SHFL: variants seen among roughly 807,000 people sequenced by gnomAD.
SHFL encodes shiftless antiviral inhibitor of ribosomal frameshifting protein.
Under a neutral mutation model 34.7 loss-of-function variants are expected in SHFL, and 12 were observed. The ratio of observed to expected loss-of-function variants is 0.35; its 90% CI spans 0.22 to 0.56. The LOEUF (loss-of-function observed/expected upper bound fraction) is 0.56. SHFL is among the 20% of genes least tolerant of loss of function. The pLI is 0.88. For synonymous variants in SHFL, 148 were observed against 156.0 expected (o/e 0.95, Z 0.38); for missense variants, 278 against 411.1 (o/e 0.68, Z 2.80).
In SHFL at chr19:10,086,586, C is replaced by A; in HGVS notation, c.21+138C>A. The stretch of plus-strand genomic sequence containing the variant: ...ATCCTTACCCCTGCCTGGCGCTCGC[C>A]CCCCTTGAAAAGGAAAGTGACTCCC... On this transcript the variant is annotated intron_variant, in intron 1 of 7. Transcript: ENST00000253110. The surrounding 1 kb of genome is among the most constrained non-coding windows in gnomAD (Gnocchi z 5.2). 1.1e-6 allele frequency: 1 copy of A among 883,480 alleles called. No homozygotes were observed. Among genetic ancestry groups the A allele is most frequent in the Non-Finnish European group, 1.6e-6 (1 of 637,062 alleles). The allele number at this position is 883,480 out of a possible 1,614,324, so 54.7% of individuals were successfully genotyped here.
At chr19:10,087,089 C>A in intron 2 of SHFL, 37 bp downstream of exon 2, 9 of 1,599,856 alleles carry the variant, frequency 5.6e-6, no homozygotes, top group South Asian at 1.1e-5. Context: ...GTGCGGGGAC[C>A]GCGCGTGGGA....
rs902563213 is a variant in SHFL at position 10,092,440 on chromosome 19, T to C, written c.*138T>C. On this transcript the variant is annotated 3_prime_UTR_variant, in exon 8 of 8. Coordinates refer to ENST00000253110, the MANE Select transcript of SHFL (RefSeq NM_018381.4). ...GATATTGACGGGGGGGATTCCTGGGTCCCATTTTCAGCGCCCAGGGTCACA... is the reference window on the plus strand; with the variant it reads ...GATATTGACGGGGGGGATTCCTGGGCCCCATTTTCAGCGCCCAGGGTCACA... The C allele has an allele frequency of 2.0e-6, 3 of 1,519,806 alleles. No individual in the cohort carries two copies. In the African/African-American group the frequency reaches 4.2e-5, roughly 21 times the overall value. The allele number at this position is 1,519,806 out of a possible 1,614,324, so 94.1% of individuals were successfully genotyped here. A position where few individuals can be genotyped will look rare whatever the true frequency, so the allele number is the denominator to read the frequency against.
chr19:10,091,327 C>G lies in SHFL; in HGVS notation c.462C>G (p.His154Gln). 2 of 1,613,846 alleles carry G rather than the reference C, an allele frequency of 1.2e-6. No individual in the cohort carries two copies. Among genetic ancestry groups the G allele is most frequent in the Non-Finnish European group, 1.7e-6 (2 of 1,179,812 alleles). ...ADKMWGLAEF[H>Q]CPKCRHNFRG... ...AGATGTGGGGCCTGGCTGAGTTCCA[C>G]TGCCCGAAGTGTCGGCACAACTTCC... is the stretch of plus-strand genomic sequence containing the variant. The change falls in exon 6 of 8, where the codon CAC (histidine) becomes CAG (glutamine). Residue 154 changes from histidine (H) to glutamine (Q), a missense_variant. Physicochemically the swap from His to Gln is conservative, Grantham distance 24. This residue lies in a region of SHFL where 243 missense variants were observed against 386.2 expected (regional missense o/e 0.63). Coordinates refer to ENST00000253110, the MANE Select transcript of SHFL (RefSeq NM_018381.4). This position sits in a 1 kb window ranked among gnomAD's most constrained non-coding sequence, Gnocchi z 8.2.
At chr19:10,090,423 C>A (rs80066973) in intron 5 of SHFL, 1,781 of 167,942 alleles carry the variant, frequency 0.011, 37 homozygotes, top group African/African-American at 0.041. Context: ...CAGGGTGAGA[C>A]CCTGTCTCCA....
chr19:10,091,038 AG>A lies in SHFL; in HGVS notation c.385-210del, dbSNP rs1429471811. 6.6e-6 allele frequency among the ~76,000 whole-genome samples: 1 copy of A among 152,228 alleles called. No individual in the cohort carries two copies. Among genetic ancestry groups the A allele is most frequent in the Admixed American group, 6.5e-5 (1 of 15,270 alleles). ...CTTAACTAGTTCTTGCAAAAGAGGC[AG>A]GAAGCCAAGATGTGTAGTGTTTGCC... On this transcript the variant is annotated intron_variant, in intron 5 of 7. Transcript: ENST00000253110. The surrounding 1 kb of genome is among the most constrained non-coding windows in gnomAD (Gnocchi z 8.2).
Position 10,087,080 on chromosome 19 carries a change from T to C in SHFL, c.145+28T>C, listed in dbSNP as rs562830935. 6.9e-5 allele frequency: 110 copies of C among 1,603,332 alleles called. 1 individual carries two copies. The South Asian group carries it at 1.2e-3, about 17-fold the overall frequency. ...GAGGCTGCAGGGGTCCCGGGCCTGG[T>C]GCGGGGACCGCGCGTGGGAGCGCCG... On this transcript the variant is annotated intron_variant, in intron 2 of 7. Coordinates refer to ENST00000253110, the MANE Select transcript of SHFL (RefSeq NM_018381.4).
chr19:10,092,759 G>T lies in SHFL; in HGVS notation c.*457G>T, dbSNP rs377498859. 21 of 1,607,350 alleles carry T rather than the reference G, an allele frequency of 1.3e-5. No individual in the cohort carries two copies. Among genetic ancestry groups the T allele is most frequent in the Non-Finnish European group, 1.8e-5 (21 of 1,174,816 alleles). On this transcript the variant is annotated 3_prime_UTR_variant, in exon 8 of 8. Coordinates refer to ENST00000253110, the MANE Select transcript of SHFL (RefSeq NM_018381.4). ...CAGGCATGGTACCACCAGCCTCCCC[G>T]CTGGTACAGGGCACAGTTACCTGAG...
chr19:10,088,783 T>C (rs1435027749), intron 3 of SHFL, among the ~76,000 whole-genome samples: 1 of 151,690 alleles, frequency 6.6e-6, no homozygotes, highest in African/African-American at 2.4e-5. Flanking sequence ...CCTTCTCTAT[T>C]AAAAATACAA....
chr19:10,092,391 C>T lies in SHFL; in HGVS notation c.*89C>T, dbSNP rs2088409714. The T allele has an allele frequency of 3.9e-6, 6 of 1,521,950 alleles. No homozygotes were observed. The highest frequency in any genetic ancestry group is 2.4e-5 in the East Asian group (1 of 40,888). The allele number at this position is 1,521,950 out of a possible 1,614,324, so 94.3% of individuals were successfully genotyped here. A position where few individuals can be genotyped will look rare whatever the true frequency, so the allele number is the denominator to read the frequency against. ...TGAGCTCAAACCGAGATATGAATGA[C>T]CTTGGGGAGCCATCTGAGGCCAAGA... On this transcript the variant is annotated 3_prime_UTR_variant, in exon 8 of 8. Transcript: ENST00000253110.
chr19:10,089,317 C>A (rs368193454), intron 3 of SHFL: 2 of 1,598,250 alleles, frequency 1.3e-6, no homozygotes, highest in Non-Finnish European at 1.7e-6. Context: ...CCGAGCACAA[C>A]GTGGCCTCAA....
chr19:10,092,356 T>C lies in SHFL; in HGVS notation c.*54T>C. On this transcript the variant is annotated 3_prime_UTR_variant, in exon 8 of 8. Transcript: ENST00000253110. ...CACGGTCTGTGGCTACTTTGTGTTA[T>C]TATAAGATATGAGCTCAAACCGAGA... The C allele has an allele frequency of 6.5e-7, 1 of 1,544,366 alleles. No homozygotes were observed. The highest frequency in any genetic ancestry group is 8.7e-7 in the Non-Finnish European group (1 of 1,146,410).
rs373905984 is a variant in SHFL, at chr19:10,092,278, C to T, written c.852C>T (p.Asp284=). Residue 284 remains aspartate (D), a synonymous_variant, in exon 8 of 8, where the codon GAC becomes GAT. Transcript: ENST00000253110. ...EEEEEEEEVE[D]EEGGPRE ...AGGAGGAAGAGGAGGAGGTGGAGGA[C>T]GAGGAGGGCGGGCCCAGGGAGTGAC... is the stretch of plus-strand genomic sequence containing the variant. 27 of 1,589,576 alleles carry T rather than the reference C, an allele frequency of 1.7e-5. No individual in the cohort carries two copies. The highest frequency in any genetic ancestry group is 2.7e-5 in the African/African-American group (2 of 74,256).
In SHFL at chr19:10,091,040, G is replaced by A. The variant is rs575123420; in HGVS notation, c.385-210G>A. On this transcript the variant is annotated intron_variant, in intron 5 of 7. Transcript: ENST00000253110. The surrounding 1 kb of genome is among the most constrained non-coding windows in gnomAD (Gnocchi z 8.2). ...TAACTAGTTCTTGCAAAAGAGGCAGGAAGCCAAGATGTGTAGTGTTTGCCA... is the reference window on the plus strand; with the variant it reads ...TAACTAGTTCTTGCAAAAGAGGCAGAAAGCCAAGATGTGTAGTGTTTGCCA... 3.3e-5 allele frequency among the ~76,000 whole-genome samples: 5 copies of A among 152,314 alleles called. No individual in the cohort carries two copies. The highest frequency in any genetic ancestry group is 3.3e-4 in the Admixed American group (5 of 15,292).
At position 10,086,497 on chromosome 19, in the gene SHFL, G is replaced by A; in HGVS notation, c.21+49G>A. 2 of 1,334,452 alleles carry A rather than the reference G, an allele frequency of 1.5e-6. No individual in the cohort carries two copies. Among genetic ancestry groups the A allele is most frequent in the Non-Finnish European group, 9.7e-7 (1 of 1,035,542 alleles). 82.7% of individuals were successfully genotyped at this position (1,334,452 alleles called of 1,614,324 possible). On this transcript the variant is annotated intron_variant, in intron 1 of 7. Transcript: ENST00000253110. The surrounding 1 kb of genome is among the most constrained non-coding windows in gnomAD (Gnocchi z 5.2). Reference sequence around the variant, plus strand: ...CGGGGTCAGCCGCGACAGACCCCGAGGAGCGGCCGGGAGGCGCGGAGGGGG... The same window carrying A: ...CGGGGTCAGCCGCGACAGACCCCGAAGAGCGGCCGGGAGGCGCGGAGGGGG...
In SHFL at chr19:10,091,553, C is replaced by A; in HGVS notation, c.566C>A (p.Pro189Gln). Residue 189 changes from proline to glutamine, a missense_variant, in exon 7 of 8, where the codon CCG (proline) becomes CAG (glutamine). By Grantham distance (76) the Pro-to-Gln change is moderately conservative. This residue lies in a region of SHFL where 243 missense variants were observed against 386.2 expected (regional missense o/e 0.63). Transcript: ENST00000253110. This position sits in a 1 kb window ranked among gnomAD's most constrained non-coding sequence, Gnocchi z 8.2. ...FPVYPTRILP[P>Q]RWDRDPDRRS... The stretch of plus-strand genomic sequence containing the variant: ...GTGTATCCAACACGGATCCTCCCCC[C>A]GCGCTGGGACCGGGACCCGGATCGC... The A allele has an allele frequency of 5.2e-6, 8 of 1,551,082 alleles. No homozygotes were observed. The highest frequency in any genetic ancestry group is 7.0e-6 in the Non-Finnish European group (8 of 1,147,008).
chr19:10,087,094 G>A, intron 2 of SHFL, 42 bp downstream of exon 2: 2 of 1,598,666 alleles, frequency 1.3e-6, no homozygotes, highest in South Asian at 1.1e-5. Flanking sequence ...GGGACCGCGC[G>A]TGGGAGCGCC....
At position 10,091,756 on chromosome 19, in the gene SHFL, T is replaced by C; in HGVS notation, c.643+126T>C. 7.7e-7 allele frequency: 1 copy of C among 1,306,314 alleles called. No individual in the cohort carries two copies. The highest frequency in any genetic ancestry group is 1.5e-5 in the South Asian group (1 of 65,664). The allele number at this position is 1,306,314 out of a possible 1,614,324, so 80.9% of individuals were successfully genotyped here. On this transcript the variant is annotated intron_variant, in intron 7 of 7. Coordinates refer to ENST00000253110, the MANE Select transcript of SHFL (RefSeq NM_018381.4). The surrounding 1 kb of genome is among the most constrained non-coding windows in gnomAD (Gnocchi z 8.2). The stretch of plus-strand genomic sequence containing the variant: ...AGCCACTGCTTCCACATGGCCTCCA[T>C]GACCCCCCAGTCTCCGTGGTCTTGC...
intron 5 of SHFL, chr19:10,090,342 A>T (rs376097718): frequency 1.3e-5 from 5 of 379,958 alleles, no homozygotes; most frequent in African/African-American, 8.1e-5. Flanking sequence ...TCATGGCTGC[A>T]ATCTCAGTGT....
rs2088395373 is a variant in SHFL at position 10,091,794 on chromosome 19, G to A, written c.643+164G>A. On this transcript the variant is annotated intron_variant, in intron 7 of 7. Coordinates refer to ENST00000253110, the MANE Select transcript of SHFL (RefSeq NM_018381.4). The surrounding 1 kb of genome is among the most constrained non-coding windows in gnomAD (Gnocchi z 8.2). ...TCCGTGGTCTTGCCCAGGAGGCTCTGAGGTTTCACCCCAGTGGCCCGTGCC... is the reference window on the plus strand; with the variant it reads ...TCCGTGGTCTTGCCCAGGAGGCTCTAAGGTTTCACCCCAGTGGCCCGTGCC... 1 of 1,109,610 alleles carries A rather than the reference G, an allele frequency of 9.0e-7. No individual in the cohort carries two copies. Among genetic ancestry groups the A allele is most frequent in the Non-Finnish European group, 1.2e-6 (1 of 800,858 alleles). 68.7% of individuals were successfully genotyped at this position (1,109,610 alleles called of 1,614,324 possible).
Sources: allele counts gnomAD v4.1 joint callset (sites outside exome capture counted in the v4.1 genomes callset), GRCh38; gene constraint gnomAD v4.1.1; regional missense constraint gnomAD v4.1.1; non-coding constraint Gnocchi (gnomAD v3.1); transcripts MANE v1.5; gene names NCBI Gene and HGNC (gene_info 2026-07-23, HGNC 2026-07-21).